Variants in HERC2 observed in about 807,000 individuals in gnomAD.
HERC2 encodes the protein HECT and RLD domain containing E3 ubiquitin protein ligase 2, also known as E3 ubiquitin-protein ligase HERC2.
HERC2 carries 102 observed loss-of-function variants against 537.7 expected under a neutral mutation model. The ratio of observed to expected loss-of-function variants is 0.19; its 90% CI spans 0.16 to 0.22. The LOEUF is 0.22. Ranked by LOEUF, HERC2 falls within the 10% of genes least tolerant of loss-of-function variation. HERC2 has a pLI of 1.00. For missense variants in HERC2, 4,236 were observed against 6,198.2 expected, an observed-to-expected ratio of 0.68 and a Z score of 10.63; for synonymous variants, 2,224 against 2,466.2, an observed-to-expected ratio of 0.90 and a Z score of 2.91.
intron 4 of HERC2, among the ~76,000 whole-genome samples, chr15:28,292,019 G>C (rs1262363351): frequency 6.6e-6 from 1 of 151,306 alleles, no homozygotes; most frequent in East Asian, 1.9e-4. Context: ...CCTGAGGTCA[G>C]GAGTTCAAGA....
At chr15:28,273,470 T>C (rs955809472) in intron 7 of HERC2, among the ~76,000 whole-genome samples, 13 of 152,372 alleles carry the variant, frequency 8.5e-5, no homozygotes, top group African/African-American at 2.6e-4. Flanking sequence ...AACTTTTCTA[T>C]GTTACTCAAT....
At chr15:28,309,602 C>G (rs1168874135) in intron 2 of HERC2, among the ~76,000 whole-genome samples, 1 of 152,092 alleles carries the variant, frequency 6.6e-6, no homozygotes, top group African/African-American at 2.4e-5. Flanking sequence ...GGGGCAGCCT[C>G]CAAGAGCCCA....
intron 78 of HERC2, among the ~76,000 whole-genome samples, chr15:28,136,487 A>C (rs1469493338): frequency 6.6e-6 from 1 of 152,244 alleles, no homozygotes; most frequent in Admixed American, 6.5e-5. Flanking sequence ...AGGACTTCCT[A>C]TAGAAAGTGG....
At chr15:28,215,576 T>TG (rs1475347516) in intron 39 of HERC2, 45 bp downstream of exon 39, 1 of 1,511,712 alleles carries the variant, frequency 6.6e-7, no homozygotes, top group African/African-American at 1.4e-5. Context: ...CTTCAGTACA[T>TG]GGAGGCCTCT....
chr15:28,237,093 G>C lies in HERC2; in HGVS notation c.3873C>G (p.Thr1291=), dbSNP rs1902544712. The change falls in exon 26 of 93, where the codon ACC becomes ACG. Residue 1291 remains threonine, a synonymous_variant. Coordinates refer to ENST00000261609, the MANE Select transcript of HERC2 (RefSeq NM_004667.6). ...AAGAGAGACTCCCCAGATCTGGTAT[G>C]GTGACGATTTCTTGGTCAGGCTGGA... ...QYLEPDQEIV[T]IPDLGSLSSP... is the part of the protein sequence containing the mutation. 1 of 1,561,870 alleles carries C rather than the reference G, an allele frequency of 6.4e-7. No individual in the cohort carries two copies. Among genetic ancestry groups the C allele is most frequent in the African/African-American group, 1.4e-5 (1 of 73,858 alleles).
At chr15:28,277,912 T>C (rs1046527918) in intron 5 of HERC2, among the ~76,000 whole-genome samples, 2 of 152,078 alleles carry the variant, frequency 1.3e-5, no homozygotes, top group African/African-American at 4.8e-5. Flanking sequence ...GTCCCTGATA[T>C]AAAATGGTGT....
At chr15:28,153,366 T>G (rs1464205678) in intron 69 of HERC2, among the ~76,000 whole-genome samples, 2 of 149,564 alleles carry the variant, frequency 1.3e-5, no homozygotes, top group African/African-American at 5.0e-5. Flanking sequence ...ACAAAAAAAG[T>G]CATTGGGTGG....
At position 28,177,048 on chromosome 15, in the gene HERC2, C is replaced by A. The variant is rs775023740; in HGVS notation, c.9334G>T (p.Ala3112Ser). ...RDIACGSSHS[A>S]ALTSSGELYT... ...AGTTCTCCGCTGGATGTGAGGGCTG[C>A]GCTGTGCGAGCTCCCACAGGCGATA... Residue 3112 changes from alanine (A) to serine (S), a missense_variant, in exon 61 of 93, where the codon GCA becomes TCA. Ala to Ser is a moderately conservative substitution (Grantham distance 99). Transcript: ENST00000261609. The surrounding 1 kb of genome is among the most constrained non-coding windows in gnomAD (Gnocchi z 5.0). The A allele has an allele frequency of 1.9e-6, 3 of 1,614,010 alleles. No individual in the cohort carries two copies. The highest frequency in any genetic ancestry group is 1.3e-5 in the African/African-American group (1 of 74,932).
At chr15:28,279,615 CCACACACACACACA>C (rs58447102) in intron 5 of HERC2, among the ~76,000 whole-genome samples, 10 of 141,584 alleles carry the variant, frequency 7.1e-5, no homozygotes, top group Non-Finnish European at 1.2e-4. Context: ...GACCCCATCT[CCACACACACACACA>C]CACACACACA....
chr15:28,121,452 A>C, intron 85 of HERC2, 23 bp from the exon 86 acceptor site: 1 of 1,580,336 alleles, frequency 6.3e-7, no homozygotes, highest in Middle Eastern at 1.7e-4. Context: ...AAACAGACAA[A>C]ATTTAGAATC....
chr15:28,276,493 G>A (rs1339139827), intron 5 of HERC2, among the ~76,000 whole-genome samples: 4 of 152,180 alleles, frequency 2.6e-5, no homozygotes, highest in African/African-American at 7.2e-5. Context: ...GGCCAAGTGT[G>A]GTCAGAGGAG....
At chr15:28,293,220 G>A (rs1162877124) in intron 3 of HERC2, among the ~76,000 whole-genome samples, 198 bp from the exon 4 acceptor site, 1 of 152,132 alleles carries the variant, frequency 6.6e-6, no homozygotes, top group African/African-American at 2.4e-5. Flanking sequence ...TCGGCCAGGC[G>A]TGGTGGCTCA....
intron 57 of HERC2, among the ~76,000 whole-genome samples, chr15:28,182,115 G>C (rs142557336): frequency 1.1e-3 from 170 of 152,268 alleles, no homozygotes; most frequent in African/African-American, 3.8e-3. Flanking sequence ...AATGTTTATT[G>C]TAGGGAAGGC....
In HERC2 at chr15:28,214,722, C is replaced by T. The variant is rs1480319214; in HGVS notation, c.6291G>A (p.Val2097=). 1 of 1,611,960 alleles carries T rather than the reference C, an allele frequency of 6.2e-7. No homozygotes were observed. Among genetic ancestry groups the T allele is most frequent in the South Asian group, 1.1e-5 (1 of 90,986 alleles). ...TTCCCAAGAAGTCAAACAGCTTCTC[C>T]ACGAGGCATTTCATGTCCCTCGCCC... ...TERARDMKCL[V]EKLFDFLGSL... The change falls in exon 40 of 93, where the codon GTG becomes GTA. Residue 2097 remains valine, a synonymous_variant. Transcript: ENST00000261609.
rs1890556378 is a variant in HERC2, at chr15:28,135,607, A to T, written c.12101T>A (p.Ile4034Asn). 6.2e-7 allele frequency: 1 copy of T among 1,614,096 alleles called. No individual in the cohort carries two copies. The highest frequency in any genetic ancestry group is 1.1e-5 in the South Asian group (1 of 91,088). The change falls in exon 79 of 93, where the codon ATT (isoleucine) becomes AAT (asparagine). Residue 4034 changes from isoleucine (I) to asparagine (N), a missense_variant. Transcript: ENST00000261609. The part of the protein sequence containing the change: ...SVSTPTLLES[I>N]QHVFIKKVAV... ...TACTTTCTTAATAAACACATGCTGAATGGATTCAAGCAATGTTGGGGTGGA... is the reference window on the plus strand; with the variant it reads ...TACTTTCTTAATAAACACATGCTGATTGGATTCAAGCAATGTTGGGGTGGA...
chr15:28,283,053 A>C (rs1190249542), intron 4 of HERC2, among the ~76,000 whole-genome samples: 9 of 150,746 alleles, frequency 6.0e-5, no homozygotes, highest in African/African-American at 2.2e-4. Context: ...AAAAAAAAAA[A>C]AAAAAACCAG....
chr15:28,161,765 T>C (rs1261424863), intron 69 of HERC2, among the ~76,000 whole-genome samples: 1 of 152,178 alleles, frequency 6.6e-6, no homozygotes, highest in Non-Finnish European at 1.5e-5. Flanking sequence ...CTACCAAATA[T>C]TAAAAGACAT....
chr15:28,217,889 CT>C (rs913050370), intron 38 of HERC2, among the ~76,000 whole-genome samples: 26 of 152,034 alleles, frequency 1.7e-4, no homozygotes, highest in African/African-American at 6.3e-4. Context: ...GGACCTTCCC[CT>C]AGAGCCTGTG....
intron 83 of HERC2, 52 bp from the exon 84 acceptor site, chr15:28,125,245 C>A (rs751409527): frequency 1.8e-5 from 26 of 1,451,638 alleles, no homozygotes; most frequent in Non-Finnish European, 2.3e-5. Context: ...CCAACAAACG[C>A]ATGGCTGCCA....
Sources: allele counts gnomAD v4.1 joint callset (sites outside exome capture counted in the v4.1 genomes callset), GRCh38; gene constraint gnomAD v4.1.1; non-coding constraint Gnocchi (gnomAD v3.1); transcripts MANE v1.5; gene names NCBI Gene and HGNC (gene_info 2026-07-23, HGNC 2026-07-21).